The following SLIT2 variants were observed in gnomAD, a reference collection of about 807,000 sequenced individuals.
SLIT2 encodes the protein slit guidance ligand 2.
Under a neutral mutation model 185.7 loss-of-function variants are expected in SLIT2, and 41 were observed. That is an observed-to-expected ratio of 0.22 (90% confidence interval 0.17 to 0.29). The LOEUF is 0.29. Among genes scored for constraint, SLIT2 ranks in the 10% least tolerant of loss-of-function variants. The pLI, the probability that SLIT2 is intolerant of heterozygous loss-of-function variation, is 1.00. For missense variants in SLIT2, 1,571 were observed against 1,909.0 expected, an observed-to-expected ratio of 0.82 and a Z score of 3.30; for synonymous variants, 693 against 680.2, an observed-to-expected ratio of 1.02 and a Z score of -0.29.
intron 4 of SLIT2, among the ~76,000 whole-genome samples, chr4:20,366,006 A>G (rs1225644027): frequency 6.6e-6 from 1 of 152,128 alleles, no homozygotes; most frequent in African/African-American, 2.4e-5. Context: ...AATTATGTTA[A>G]TTAGTTTATC....
chr4:20,482,076 G>T (rs1716758228), intron 6 of SLIT2, among the ~76,000 whole-genome samples: 1 of 151,882 alleles, frequency 6.6e-6, no homozygotes, highest in Admixed American at 6.6e-5. Flanking sequence ...CTCACTGATG[G>T]TATCTCAGAG....
chr4:20,343,586 C>T lies in SLIT2; in HGVS notation c.395+74705C>T, dbSNP rs1340233703. Among the ~76,000 whole-genome samples the T allele has an allele frequency of 3.9e-5, 6 of 152,008 alleles. No individual in the cohort carries two copies. The South Asian group carries it at 1.0e-3, about 26-fold the overall frequency. ...ACAGCATCACGGCTCACAGCACCCT[C>T]AACCTCCTGGGCTTAAGCAGTCTTT... is the stretch of plus-strand genomic sequence containing the variant. On this transcript the variant is annotated intron_variant, in intron 4 of 36. Coordinates refer to ENST00000504154, the MANE Select transcript of SLIT2 (RefSeq NM_004787.4).
rs192292181 is a variant in SLIT2, at chr4:20,559,361, T to G, written c.2725+5393T>G. On this transcript the variant is annotated intron_variant, in intron 26 of 36. Transcript: ENST00000504154. ...CAATCAATATAGTTGCAGTTGCGTTTAGAAGACTTAAGAGTTTACTCAGTT... is the reference window on the plus strand; with the variant it reads ...CAATCAATATAGTTGCAGTTGCGTTGAGAAGACTTAAGAGTTTACTCAGTT... Among the ~76,000 whole-genome samples the G allele has an allele frequency of 9.3e-4, 142 of 152,126 alleles. 2 individuals carry two copies. Among genetic ancestry groups the G allele is most frequent in the African/African-American group, 3.1e-3 (130 of 41,472 alleles).
chr4:20,280,833 G>GTTTTTTTTTTTTTTTT (rs34477780), intron 4 of SLIT2, among the ~76,000 whole-genome samples: 2 of 130,646 alleles, frequency 1.5e-5, no homozygotes, highest in African/African-American at 3.0e-5. Flanking sequence ...TTAAAAAAAT[G>GTTTTTTTTTTTTTTTT]TTTTTTTTTT....
At chr4:20,263,407 A>C (rs570379714) in intron 3 of SLIT2, among the ~76,000 whole-genome samples, 1 of 151,940 alleles carries the variant, frequency 6.6e-6, no homozygotes, top group South Asian at 2.1e-4. Context: ...ATACAGATGG[A>C]CAGTTCTGGA....
chr4:20,454,757 T>A (rs1310587779), intron 4 of SLIT2, among the ~76,000 whole-genome samples: 2 of 152,214 alleles, frequency 1.3e-5, no homozygotes, highest in Admixed American at 1.3e-4. Flanking sequence ...CATTGCTGTT[T>A]CAATTTATAT....
chr4:20,368,804 C>A (rs1296747264), intron 4 of SLIT2, among the ~76,000 whole-genome samples: 4 of 152,104 alleles, frequency 2.6e-5, no homozygotes, highest in Non-Finnish European at 5.9e-5. Context: ...TATATCCTGA[C>A]TTTAATTTTT....
intron 9 of SLIT2, among the ~76,000 whole-genome samples, chr4:20,507,343 G>T (rs1353310571): frequency 6.6e-6 from 1 of 151,732 alleles, no homozygotes; most frequent in African/African-American, 2.4e-5. Context: ...ATCATTACGA[G>T]TATTCTAGTT....
At chr4:20,566,265 T>A (rs1725085261) in intron 26 of SLIT2, among the ~76,000 whole-genome samples, 1 of 152,056 alleles carries the variant, frequency 6.6e-6, no homozygotes, top group Non-Finnish European at 1.5e-5. Context: ...TACAGAGAAA[T>A]ACTACAGAGT....
chr4:20,402,692 C>T (rs1339113799), intron 4 of SLIT2, among the ~76,000 whole-genome samples: 1 of 151,648 alleles, frequency 6.6e-6, no homozygotes, highest in East Asian at 1.9e-4. Flanking sequence ...TACTTCCTAC[C>T]CTACACAATT....
At chr4:20,592,687 C>CT (rs930138569) in intron 30 of SLIT2, among the ~76,000 whole-genome samples, 1 of 151,834 alleles carries the variant, frequency 6.6e-6, no homozygotes, top group Admixed American at 6.6e-5. Context: ...AGCATTTCTT[C>CT]TTTTTTTTAA....
At chr4:20,407,843 A>G (rs1227567392) in intron 4 of SLIT2, among the ~76,000 whole-genome samples, 1 of 152,190 alleles carries the variant, frequency 6.6e-6, no homozygotes, top group African/African-American at 2.4e-5. Flanking sequence ...AAAAATTTGC[A>G]TAGTGGAGGA....
At chr4:20,372,904 C>T (rs1191764187) in intron 4 of SLIT2, among the ~76,000 whole-genome samples, 1 of 151,922 alleles carries the variant, frequency 6.6e-6, no homozygotes, top group Non-Finnish European at 1.5e-5. Flanking sequence ...TTTAATAAAC[C>T]TAATGGAGAG....
chr4:20,580,639 C>T (rs1343540341), intron 29 of SLIT2, among the ~76,000 whole-genome samples: 2 of 152,098 alleles, frequency 1.3e-5, no homozygotes, highest in Non-Finnish European at 2.9e-5. Context: ...CCTGCAAGCC[C>T]TAACTGCTAA....
intron 33 of SLIT2, among the ~76,000 whole-genome samples, chr4:20,608,317 G>C (rs1728945804): frequency 6.6e-6 from 1 of 152,074 alleles, no homozygotes; most frequent in South Asian, 2.1e-4. Context: ...TTCGAATCCA[G>C]GATTATCTGA....
chr4:20,370,461 G>C (rs1241725615), intron 4 of SLIT2, among the ~76,000 whole-genome samples: 1 of 152,040 alleles, frequency 6.6e-6, no homozygotes, highest in Non-Finnish European at 1.5e-5. Context: ...ATGCACTCAT[G>C]ATGCACACAT....
intron 4 of SLIT2, among the ~76,000 whole-genome samples, chr4:20,460,787 A>G (rs897699597): frequency 3.3e-5 from 5 of 152,176 alleles, no homozygotes; most frequent in African/African-American, 9.7e-5. Context: ...CAGAAAGACA[A>G]ATTCCACATG....
At chr4:20,477,088 C>T (rs115462798) in intron 5 of SLIT2, among the ~76,000 whole-genome samples, 58 of 150,166 alleles carry the variant, frequency 3.9e-4, no homozygotes, top group African/African-American at 1.3e-3. Flanking sequence ...AATTTACCAG[C>T]GCTGGTAAAA....
intron 4 of SLIT2, among the ~76,000 whole-genome samples, chr4:20,280,622 A>T (rs1714656688): frequency 6.6e-6 from 1 of 152,038 alleles, no homozygotes; most frequent in Non-Finnish European, 1.5e-5. Context: ...TACATCTAAG[A>T]TGTGTTCTCT....
Sources: gnomAD v4.1 joint callset for allele counts (sites outside exome capture counted in the v4.1 genomes callset) on GRCh38, gnomAD v4.1.1 for gene constraint, MANE v1.5 for transcripts, NCBI Gene and HGNC (gene_info 2026-07-23, HGNC 2026-07-21) for gene names.